Variants in MED12L observed in about 807,000 individuals in gnomAD.
MED12L encodes the protein mediator of RNA polymerase II transcription subunit 12-like protein.
MED12L carries 60 observed loss-of-function variants against 281.3 expected under a neutral mutation model. The observed-to-expected ratio is 0.21, with a 90% CI of 0.17 to 0.26. The LOEUF is 0.26. Ranked by LOEUF, MED12L falls within the 10% of genes least tolerant of loss-of-function variation. MED12L has a pLI of 1.00. For synonymous variants in MED12L, 974 were observed against 987.2 expected, an observed-to-expected ratio of 0.99 and a Z score of 0.25; for missense variants, 2,146 against 2,680.9, an observed-to-expected ratio of 0.80 and a Z score of 4.41.
At chr3:151,311,919 G>A (rs1747581694) in intron 16 of MED12L, among the ~76,000 whole-genome samples, 1 of 152,140 alleles carries the variant, frequency 6.6e-6, no homozygotes, top group Non-Finnish European at 1.5e-5. Flanking sequence ...CAGCTACTCA[G>A]GAGCTGAGGC....
chr3:151,105,549 C>T (rs1447257045), intron 2 of MED12L, among the ~76,000 whole-genome samples: 1 of 152,164 alleles, frequency 6.6e-6, no homozygotes, highest in Non-Finnish European at 1.5e-5. Context: ...TGAGGTAAAA[C>T]ACTCCTAGTT....
chr3:151,425,753 G>A (rs1718808692), intron 43 of MED12L: 2 of 456,456 alleles, frequency 4.4e-6, no homozygotes, highest in African/African-American at 4.0e-5. Flanking sequence ...AGAGAGAGAA[G>A]CAATTATCAT....
At chr3:151,432,636 G>T in intron 44 of MED12L, 116 bp from the exon 45 acceptor site, 2 of 745,664 alleles carry the variant, frequency 2.7e-6, no homozygotes, top group Non-Finnish European at 2.3e-6. Flanking sequence ...GTACTCTCCG[G>T]CCATTCTGTT....
At chr3:151,303,550 G>A (rs750312224) in intron 16 of MED12L, among the ~76,000 whole-genome samples, 1 of 152,148 alleles carries the variant, frequency 6.6e-6, no homozygotes, top group Non-Finnish European at 1.5e-5. Flanking sequence ...ATTACCTGAG[G>A]TCAGGAGTTT....
chr3:151,103,309 A>G (rs548909301), intron 2 of MED12L, among the ~76,000 whole-genome samples: 102 of 152,350 alleles, frequency 6.7e-4, no homozygotes, highest in Admixed American at 1.4e-3. Context: ...TGTGATTTGA[A>G]TATGAATTAA....
At chr3:151,338,152 T>G (rs1237009397) in intron 16 of MED12L, 1 of 1,614,104 alleles carries the variant, frequency 6.2e-7, no homozygotes, top group Non-Finnish European at 8.5e-7. Flanking sequence ...TTCACCTTTT[T>G]CCTGGGGACT....
Position 151,165,996 on chromosome 3 carries a change from T to TA in MED12L, c.1494+14_1494+15insA, listed in dbSNP as rs1720665986. The TA allele has an allele frequency of 2.5e-6, 4 of 1,586,558 alleles. No individual in the cohort carries two copies. In the East Asian group the frequency reaches 6.7e-5, roughly 27 times the overall value. On this transcript the variant is annotated intron_variant, in intron 11 of 44. Coordinates refer to ENST00000687756, the MANE Select transcript of MED12L (RefSeq NM_001393769.1). ...GATAACCAAGAGGTAGTTAATTTTTTTTTAATTCTTTTCACCTTTTATTTT... is the reference window on the plus strand; with the variant it reads ...GATAACCAAGAGGTAGTTAATTTTTTATTTAATTCTTTTCACCTTTTATTTT...
In MED12L at chr3:151,245,323, G is replaced by A. The variant is rs551134531; in HGVS notation, c.2250+51657G>A. Among the ~76,000 whole-genome samples, 10 of 152,046 alleles carry A rather than the reference G, an allele frequency of 6.6e-5. No homozygotes were observed. The South Asian group carries it at 1.5e-3, about 22-fold the overall frequency. On this transcript the variant is annotated intron_variant, in intron 16 of 44. Coordinates refer to ENST00000687756, the MANE Select transcript of MED12L (RefSeq NM_001393769.1). ...TGGGCAGAGACACAACCAACAAAGA[G>A]AATTTTAGACCAATATCCTTGATGA...
intron 16 of MED12L, among the ~76,000 whole-genome samples, chr3:151,205,094 T>C (rs1044251209): frequency 6.6e-6 from 1 of 152,194 alleles, no homozygotes; most frequent in Non-Finnish European, 1.5e-5. Context: ...TGGAAATACA[T>C]GTAGTTTTCA....
intron 43 of MED12L, among the ~76,000 whole-genome samples, chr3:151,429,745 G>A (rs1397986937): frequency 1.3e-5 from 2 of 152,128 alleles, no homozygotes; most frequent in African/African-American, 4.8e-5. Flanking sequence ...TAAAGTTAGT[G>A]CCTCACTCAC....
intron 16 of MED12L, chr3:151,338,440 T>G: frequency 6.2e-7 from 1 of 1,614,034 alleles, no homozygotes; most frequent in Non-Finnish European, 8.5e-7. Context: ...AAGAGATTTT[T>G]GGGGTTGGAT....
chr3:151,199,131 G>A (rs764301710), intron 16 of MED12L: 1 of 1,614,006 alleles, frequency 6.2e-7, no homozygotes, highest in Non-Finnish European at 8.5e-7. Flanking sequence ...ACTTGGCAGT[G>A]GAATATCTTC....
chr3:151,418,941 T>C (rs1216359246), intron 43 of MED12L, among the ~76,000 whole-genome samples: 4 of 152,232 alleles, frequency 2.6e-5, no homozygotes, highest in Admixed American at 2.0e-4. Context: ...TTTCAATGTG[T>C]AATGATCAAA....
chr3:151,365,086 C>T lies in MED12L; in HGVS notation c.3065C>T (p.Ser1022Leu). Residue 1022 changes from serine (S) to leucine (L), a missense_variant, in exon 22 of 45, where the codon TCA (serine) becomes TTA (leucine). Around this residue, in one of 9 missense-constraint regions of MED12L, gnomAD observed 404 missense variants for 603.5 expected, o/e 0.67. Coordinates refer to ENST00000687756, the MANE Select transcript of MED12L (RefSeq NM_001393769.1). ...ATGATGGATTTTATTGAGAATCCCT[C>T]AGCCCGCAGCATCAACTACTCAATG... ...DFMMDFIENP[S>L]ARSINYSMLG... 1 of 1,614,094 alleles carries T rather than the reference C, an allele frequency of 6.2e-7. No individual in the cohort carries two copies. The highest frequency in any genetic ancestry group is 8.5e-7 in the Non-Finnish European group (1 of 1,179,958).
intron 14 of MED12L, among the ~76,000 whole-genome samples, chr3:151,191,802 A>G (rs929627276): frequency 3.3e-5 from 5 of 152,144 alleles, no homozygotes; most frequent in African/African-American, 1.2e-4. Context: ...GCTACTCAGG[A>G]GGCTGAGGCA....
chr3:151,223,175 C>A (rs1382997009), intron 16 of MED12L, among the ~76,000 whole-genome samples: 1,285 of 126,434 alleles, frequency 0.01, 1 homozygote, highest in Middle Eastern at 0.018. Context: ...TTAAAAAGTC[C>A]AAAAAAAAAA....
At chr3:151,300,105 C>T in intron 16 of MED12L, 2 of 1,603,032 alleles carry the variant, frequency 1.2e-6, no homozygotes, top group South Asian at 1.1e-5. Context: ...CCCCATTCTT[C>T]AGTTGTGATG....
intron 16 of MED12L, among the ~76,000 whole-genome samples, chr3:151,311,973 C>CGG (rs61409396): frequency 6.6e-6 from 1 of 152,136 alleles, no homozygotes; most frequent in East Asian, 1.9e-4. Flanking sequence ...GCGGAGGTTG[C>CGG]AGAGGTTGCA....
chr3:151,390,743 T>G (rs1714104580), intron 38 of MED12L, among the ~76,000 whole-genome samples: 1 of 152,248 alleles, frequency 6.6e-6, no homozygotes, highest in Non-Finnish European at 1.5e-5. Context: ...CTGTCAGCAT[T>G]GTTAGGATGT....
Sources: gnomAD v4.1 joint callset for allele counts (sites outside exome capture counted in the v4.1 genomes callset) on GRCh38, gnomAD v4.1.1 for gene constraint, gnomAD v4.1.1 regional missense constraint, MANE v1.5 for transcripts, NCBI Gene and HGNC (gene_info 2026-07-23, HGNC 2026-07-21) for gene names.